The following POGK variants were observed in gnomAD, a reference collection of about 807,000 sequenced individuals.
POGK encodes pogo transposable element with KRAB domain.
In POGK, 16 loss-of-function variants were observed where a neutral mutation model predicts 54.4. The ratio of observed to expected loss-of-function variants is 0.29; its 90% confidence interval spans 0.20 to 0.45. The LOEUF is 0.45. Among genes scored for constraint, POGK ranks in the 20% least tolerant of loss-of-function variants. The probability of loss-of-function intolerance (pLI) is 1.00; values close to 1 mark genes in which losing one functional copy is unlikely to be tolerated. For synonymous variants in POGK, 271 were observed against 302.2 expected (o/e 0.90, Z 1.07); for missense variants, 515 against 795.6 (o/e 0.65, Z 4.24).
intron 4 of POGK, among the ~76,000 whole-genome samples, chr1:166,848,671 C>T (rs1657936244): frequency 6.6e-6 from 1 of 152,148 alleles, no homozygotes; most frequent in African/African-American, 2.4e-5. Flanking sequence ...TACCTTGGTG[C>T]ATTATGTAAC....
Position 166,842,003 on chromosome 1 carries a change from T to TA in POGK, c.132+929dup, listed in dbSNP as rs1348133144. Among the ~76,000 whole-genome samples, 1,150 of 143,010 alleles carry TA rather than the reference T, an allele frequency of 8.0e-3. 10 individuals carry two copies. The highest frequency in any genetic ancestry group is 0.018 in the African/African-American group (723 of 39,106). 93.8% of individuals were successfully genotyped at this position (143,010 alleles called of 152,430 possible). A position where few individuals can be genotyped will look rare whatever the true frequency, so the allele number is the denominator to read the frequency against. On this transcript the variant is annotated intron_variant, in intron 2 of 5. Coordinates refer to ENST00000367876, the MANE Select transcript of POGK (RefSeq NM_017542.5). ...ACCATATGTATGCTATACCTTAATT[T>TA]AAAAAAAAAAAAAACAGTGCAACCA... is the stretch of plus-strand genomic sequence containing the variant.
Position 166,850,253 on chromosome 1 carries a change from C to T in POGK, c.1674C>T (p.Ile558=). ...GGGTCATGGTCGCGTGGAATAGCAT[C>T]TCAAGTGAGTCCATCGTCCAAGGGT... is the stretch of plus-strand genomic sequence containing the variant. The part of the protein sequence containing the change: ...LEWVMVAWNS[I]SSESIVQGFK... The change falls in exon 5 of 6, where the codon ATC becomes ATT. Residue 558 remains isoleucine, a synonymous_variant. Coordinates refer to ENST00000367876, the MANE Select transcript of POGK (RefSeq NM_017542.5). The T allele has an allele frequency of 6.4e-7, 1 of 1,564,656 alleles. No homozygotes were observed. The highest frequency in any genetic ancestry group is 8.7e-7 in the Non-Finnish European group (1 of 1,153,546).
intron 3 of POGK, 82 bp downstream of exon 3, chr1:166,846,820 A>G: frequency 2.6e-6 from 4 of 1,548,598 alleles, no homozygotes; most frequent in African/African-American, 1.4e-5. Flanking sequence ...GGTATATCCA[A>G]TGTCCCTCTC....
intron 5 of POGK, chr1:166,852,091 C>T (rs1165621476): frequency 6.6e-6 from 1 of 152,168 alleles, no homozygotes; most frequent in Non-Finnish European, 1.5e-5. Context: ...CTTGGGTCCT[C>T]CTTGCTTTGA....
At position 166,849,809 on chromosome 1, in the gene POGK, G is replaced by A; in HGVS notation, c.1230G>A (p.Lys410=). The part of the protein sequence containing the change: ...AMLGVLADGR[K]LPPYIILRGT... ...TTGGTGTCTTGGCTGATGGGAGGAA[G>A]TTACCACCGTACATCATTTTGAGGG... is the stretch of plus-strand genomic sequence containing the variant. Residue 410 remains lysine (K), a synonymous_variant, in exon 5 of 6, where the codon AAG becomes AAA. Transcript: ENST00000367876. The A allele has an allele frequency of 6.2e-7, 1 of 1,614,286 alleles. No individual in the cohort carries two copies. The highest frequency in any genetic ancestry group is 8.5e-7 in the Non-Finnish European group (1 of 1,180,050).
intron 2 of POGK, among the ~76,000 whole-genome samples, chr1:166,842,760 A>G (rs1370451727): frequency 1.3e-5 from 2 of 151,864 alleles, no homozygotes. Context: ...TGCGTTGGGG[A>G]CTGGGAGATC....
In POGK at chr1:166,848,938, A is replaced by C; in HGVS notation, c.359A>C (p.Glu120Ala). Residue 120 changes from glutamate to alanine, a missense_variant and splice_region_variant, in exon 5 of 6, where the codon GAA (glutamate) becomes GCA (alanine). Glu to Ala is a moderately radical substitution (Grantham distance 107). This residue lies in a region of POGK where 461 missense variants were observed against 743.5 expected (regional missense o/e 0.62). Transcript: ENST00000367876. The part of the protein sequence containing the change: ...EWQLQGGTSA[E>A]NEESDVKPPD... Reference sequence around the variant, plus strand: ...TTGCCCCTCACTATTTGTCTCCCAGAAAATGAAGAATCTGACGTAAAGCCT... The same window carrying C: ...TTGCCCCTCACTATTTGTCTCCCAGCAAATGAAGAATCTGACGTAAAGCCT... 1 of 1,582,644 alleles carries C rather than the reference A, an allele frequency of 6.3e-7. No homozygotes were observed. The highest frequency in any genetic ancestry group is 8.6e-7 in the Non-Finnish European group (1 of 1,164,848).
At chr1:166,840,729 T>C (rs1452386989) in intron 1 of POGK, among the ~76,000 whole-genome samples, 1 of 152,232 alleles carries the variant, frequency 6.6e-6, no homozygotes, top group Non-Finnish European at 1.5e-5. Context: ...GATAGCTTTT[T>C]AAATATTTGA....
In POGK at chr1:166,846,854, T is replaced by C. The variant is rs1041434727; in HGVS notation, c.259+116T>C. On this transcript the variant is annotated intron_variant, in intron 3 of 5. Transcript: ENST00000367876. ...TCTCCTGAACTTAGACTCTGCCTCC[T>C]CAATGTCTGTGCCCATTTATTCCAA... The C allele has an allele frequency of 9.6e-6, 13 of 1,347,772 alleles. No homozygotes were observed. In the South Asian group the frequency reaches 1.8e-4, roughly 18 times the overall value. 83.5% of individuals were successfully genotyped at this position (1,347,772 alleles called of 1,614,324 possible). A position where few individuals can be genotyped will look rare whatever the true frequency, so the allele number is the denominator to read the frequency against.
intron 4 of POGK, 62 bp from the exon 5 acceptor site, chr1:166,848,876 A>G: frequency 2.6e-6 from 4 of 1,513,576 alleles, no homozygotes; most frequent in Non-Finnish European, 3.5e-6. Flanking sequence ...ACCCCCAAAA[A>G]TCAGGGTATA....
chr1:166,843,560 C>T (rs568568731), intron 2 of POGK, among the ~76,000 whole-genome samples: 14 of 152,254 alleles, frequency 9.2e-5, no homozygotes, highest in African/African-American at 3.4e-4. Flanking sequence ...CCTAGTTTAG[C>T]GGATTCAGTG....
At chr1:166,847,724 T>G (rs1034789807) in intron 4 of POGK, 132 bp downstream of exon 4, 3 of 661,280 alleles carry the variant, frequency 4.5e-6, no homozygotes, top group East Asian at 5.5e-5. Flanking sequence ...TCTCCCTCTT[T>G]GCAGTGCTAA....
intron 3 of POGK, 105 bp from the exon 4 acceptor site, chr1:166,847,389 C>T (rs1557899953): frequency 2.4e-6 from 2 of 827,938 alleles, no homozygotes; most frequent in Non-Finnish European, 1.9e-6. Context: ...CCTTGTTTTT[C>T]ACAAAGAAGG....
At position 166,846,712 on chromosome 1, in the gene POGK, T is replaced by A. The variant is rs1657864042; in HGVS notation, c.233T>A (p.Met78Lys). ...QKALYREVMR[M>K]NYETVLSLEF... ...GCCCTCTACCGGGAAGTCATGAGGATGAATTATGAAACTGTCCTGTCCCTG... is the reference window on the plus strand; with the variant it reads ...GCCCTCTACCGGGAAGTCATGAGGAAGAATTATGAAACTGTCCTGTCCCTG... The change falls in exon 3 of 6, where the codon ATG becomes AAG. Residue 78 changes from methionine (M) to lysine (K), a missense_variant. Met to Lys is a moderately conservative substitution (Grantham distance 95). Transcript: ENST00000367876. The A allele has an allele frequency of 6.2e-7, 1 of 1,614,158 alleles. No homozygotes were observed. Among genetic ancestry groups the A allele is most frequent in the Non-Finnish European group, 8.5e-7 (1 of 1,180,028 alleles).
At chr1:166,846,183 T>TA (rs1657841982) in intron 2 of POGK, among the ~76,000 whole-genome samples, 1 of 152,024 alleles carries the variant, frequency 6.6e-6, no homozygotes, top group South Asian at 2.1e-4. Context: ...CCGAGGGTCT[T>TA]TTTCTGGGGT....
chr1:166,845,946 A>G (rs1657828060), intron 2 of POGK, among the ~76,000 whole-genome samples: 1 of 152,170 alleles, frequency 6.6e-6, no homozygotes, highest in South Asian at 2.1e-4. Flanking sequence ...CTCATTACAT[A>G]TATTAAGCTG....
intron 3 of POGK, among the ~76,000 whole-genome samples, chr1:166,847,170 G>A (rs1571224585): frequency 1.3e-5 from 2 of 152,284 alleles, no homozygotes; most frequent in Admixed American, 6.5e-5. Context: ...TCAGCAGAAT[G>A]TAATCATTTG....
rs1460865250 is a variant in POGK at position 166,855,439 on chromosome 1, C to G, written c.*2869C>G. ...GCTGGCAGTGGTGTTACAGATGGAA[C>G]CAGCCTTTGGTGGACAGAGTTCAGA... On this transcript the variant is annotated 3_prime_UTR_variant, in exon 6 of 6. Coordinates refer to ENST00000367876, the MANE Select transcript of POGK (RefSeq NM_017542.5). 1 of 152,184 alleles carries G rather than the reference C, an allele frequency of 6.6e-6. No homozygotes were observed. Among genetic ancestry groups the G allele is most frequent in the Non-Finnish European group, 1.5e-5 (1 of 68,036 alleles). 9.4% of individuals were successfully genotyped at this position (152,184 alleles called of 1,614,324 possible).
At chr1:166,842,560 C>T (rs1657558466) in intron 2 of POGK, among the ~76,000 whole-genome samples, 1 of 152,184 alleles carries the variant, frequency 6.6e-6, no homozygotes, top group Non-Finnish European at 1.5e-5. Context: ...CACCAGGAGC[C>T]AAGATGAGGG....
Sources: allele counts gnomAD v4.1 joint callset (sites outside exome capture counted in the v4.1 genomes callset), GRCh38; gene constraint gnomAD v4.1.1; regional missense constraint gnomAD v4.1.1; transcripts MANE v1.5; gene names NCBI Gene and HGNC (gene_info 2026-07-23, HGNC 2026-07-21).